The following CTBP2 variants were observed in gnomAD, a reference collection of about 807,000 sequenced individuals.
The protein encoded by CTBP2 is C-terminal binding protein 2.
In CTBP2, 30 loss-of-function variants were observed where a neutral mutation model predicts 80.3. The ratio of observed to expected loss-of-function variants is 0.37; its 90% confidence interval spans 0.28 to 0.51. The LOEUF (loss-of-function observed/expected upper bound fraction) is 0.51. Among genes scored for constraint, CTBP2 ranks in the 20% least tolerant of loss-of-function variants. The probability of loss-of-function intolerance (pLI) is 0.93; values close to 1 mark genes in which losing one functional copy is unlikely to be tolerated. For synonymous variants in CTBP2, 594 were observed against 587.4 expected, an observed-to-expected ratio of 1.01 and a Z score of -0.16; for missense variants, 1,212 against 1,375.3, an observed-to-expected ratio of 0.88 and a Z score of 1.88.
chr10:125,120,920 A>T (rs956667008), intron 1 of CTBP2, among the ~76,000 whole-genome samples: 1 of 152,232 alleles, frequency 6.6e-6, no homozygotes, highest in Non-Finnish European at 1.5e-5. Context: ...TAAGGTGGCC[A>T]GATATCGGTT....
At chr10:125,098,750 CAGAGAGAGAGAGAGAGAGAGAGAG>C (rs1265217140) in intron 2 of CTBP2, among the ~76,000 whole-genome samples, 1 of 75,482 alleles carries the variant, frequency 1.3e-5, no homozygotes, top group African/African-American at 6.7e-5. Flanking sequence ...GAGAGAGAGA[CAGAGAGAGAGAGAGAGAGAGAGAG>C]AGAGACAGAG....
chr10:125,117,834 C>T (rs1010117753), intron 1 of CTBP2, among the ~76,000 whole-genome samples: 2 of 152,192 alleles, frequency 1.3e-5, no homozygotes, highest in African/African-American at 4.8e-5. Context: ...CTTTCCATGT[C>T]CCTATACAGC....
In CTBP2 at chr10:125,027,143, G is replaced by C. The variant is rs371791077; in HGVS notation, c.617C>G (p.Pro206Arg). ...GATGTCGCTGAAGACCTGGCTGAGGGGGTAGGCAGGCACCTCCGCCCCATA... is the reference window on the plus strand; with the variant it reads ...GATGTCGCTGAAGACCTGGCTGAGGCGGTAGGCAGGCACCTCCGCCCCATA... Residue 206 changes from proline (P) to arginine (R), a missense_variant, in exon 1 of 9, where the codon CCC becomes CGC. This residue lies in a region of CTBP2 where 848 missense variants were observed against 782.3 expected (regional missense o/e 1.08). Coordinates refer to ENST00000309035, the MANE Select transcript of CTBP2 (RefSeq NM_022802.3). 6.2e-7 allele frequency: 1 copy of C among 1,604,536 alleles called. No homozygotes were observed. Among genetic ancestry groups the C allele is most frequent in the African/African-American group, 1.3e-5 (1 of 74,844 alleles).
In CTBP2 at chr10:125,026,638, G is replaced by A. The variant is rs957042706; in HGVS notation, c.1122C>T (p.His374=). The A allele has an allele frequency of 5.1e-6, 8 of 1,580,626 alleles. No individual in the cohort carries two copies. The highest frequency in any genetic ancestry group is 6.9e-6 in the Non-Finnish European group (8 of 1,164,278). Residue 374 remains histidine, a synonymous_variant, in exon 1 of 9, where the codon CAC becomes CAT. Transcript: ENST00000309035. ...AGTCACCATGGAGCAGTTCGCTTCG[G>A]TGGCTGAAGCTGCTGGACCGCGCCC...
intron 2 of CTBP2, among the ~76,000 whole-genome samples, chr10:125,070,299 C>T (rs549526844): frequency 2.0e-5 from 3 of 152,048 alleles, no homozygotes; most frequent in South Asian, 4.2e-4. Context: ...TGCAGTGAGC[C>T]GAGATCGTGC....
At chr10:125,091,142 C>T (rs1848702179) in intron 2 of CTBP2, among the ~76,000 whole-genome samples, 1 of 152,172 alleles carries the variant, frequency 6.6e-6, no homozygotes, top group African/African-American at 2.4e-5. Flanking sequence ...TAGGTAAAAT[C>T]CTGGGTGTGC....
intron 1 of CTBP2, among the ~76,000 whole-genome samples, chr10:125,112,107 CTTTTTTTTT>C (rs59148637): frequency 8.1e-6 from 1 of 123,756 alleles, no homozygotes; most frequent in Non-Finnish European, 1.7e-5. Context: ...CTGCATTTGA[CTTTTTTTTT>C]TTTTTTTTTT....
At chr10:125,121,764 C>T (rs1308062704) in intron 1 of CTBP2, among the ~76,000 whole-genome samples, 1 of 152,206 alleles carries the variant, frequency 6.6e-6, no homozygotes, top group African/African-American at 2.4e-5. Context: ...TCCCCCAGAC[C>T]ATCAGCAACA....
At chr10:124,997,858 C>A in intron 4 of CTBP2, 106 bp downstream of exon 6, 2 of 1,242,490 alleles carry the variant, frequency 1.6e-6, no homozygotes, top group Non-Finnish European at 2.2e-6. Flanking sequence ...GCCCTGCCTG[C>A]CCTGGCTCCT....
chr10:125,154,200 T>A (rs1860515521), intron 1 of CTBP2, among the ~76,000 whole-genome samples: 1 of 152,172 alleles, frequency 6.6e-6, no homozygotes, highest in South Asian at 2.1e-4. Context: ...TTGTATTTTA[T>A]AAATGAGAAG....
At chr10:125,135,439 A>G (rs1339749947) in intron 1 of CTBP2, among the ~76,000 whole-genome samples, 2 of 151,994 alleles carry the variant, frequency 1.3e-5, no homozygotes, top group African/African-American at 4.8e-5. Flanking sequence ...CCCATCCCCC[A>G]TCGCCTCGTG....
chr10:124,989,902 A>C (rs1470900383), intron 8 of CTBP2, among the ~76,000 whole-genome samples: 1 of 151,740 alleles, frequency 6.6e-6, no homozygotes, highest in Non-Finnish European at 1.5e-5. Context: ...ACGCCTAGCT[A>C]GTTTTTGTAT....
chr10:124,984,703 C>G lies in CTBP2; in HGVS notation c.*4815G>C. 6.7e-7 allele frequency: 1 copy of G among 1,490,986 alleles called. No individual in the cohort carries two copies. Among genetic ancestry groups the G allele is most frequent in the Non-Finnish European group, 9.1e-7 (1 of 1,093,262 alleles). 92.4% of individuals were successfully genotyped at this position (1,490,986 alleles called of 1,614,324 possible). On this transcript the variant is annotated 3_prime_UTR_variant, in exon 9 of 9. Coordinates refer to ENST00000309035, the MANE Select transcript of CTBP2 (RefSeq NM_022802.3). ...GAGTTAGCATACCAGCTGTAGGTTTCCATGTCACATTCCTACCAAGTCTCT... is the reference window on the plus strand; with the variant it reads ...GAGTTAGCATACCAGCTGTAGGTTTGCATGTCACATTCCTACCAAGTCTCT...
At chr10:125,152,459 C>T (rs543215024) in intron 1 of CTBP2, among the ~76,000 whole-genome samples, 2 of 152,354 alleles carry the variant, frequency 1.3e-5, no homozygotes, top group South Asian at 4.1e-4. Context: ...AGGCCCCCCA[C>T]ACCGCGAGTC....
chr10:125,058,696 A>C lies in CTBP2; in HGVS notation c.-101-19541T>G, dbSNP rs552945511. The stretch of plus-strand genomic sequence containing the variant: ...GATCACCTGAGGCCGGGAGTTCGAG[A>C]CTAGCCCGGCCAACATGACGAAACC... On this transcript the variant is annotated intron_variant, in intron 2 of 10. Transcript: ENST00000337195. Among the ~76,000 whole-genome samples, 11 of 152,178 alleles carry C rather than the reference A, an allele frequency of 7.2e-5. 1 individual carries two copies. The East Asian group carries it at 2.1e-3, about 30-fold the overall frequency.
intron 4 of CTBP2, chr10:124,996,062 T>TTC (rs1199383787): frequency 1.3e-5 from 2 of 151,130 alleles, no homozygotes; most frequent in African/African-American, 4.9e-5. Context: ...TTTTTTTTTT[T>TTC]TTTTTTAAAG....
intron 1 of CTBP2, among the ~76,000 whole-genome samples, chr10:125,020,420 T>C (rs757074700): frequency 2.8e-4 from 42 of 152,280 alleles, no homozygotes; most frequent in Non-Finnish European, 4.1e-4. Flanking sequence ...CCCTACTCCA[T>C]GTGGAACTGC....
chr10:125,020,256 G>C (rs577447120), intron 1 of CTBP2, among the ~76,000 whole-genome samples: 1 of 152,312 alleles, frequency 6.6e-6, no homozygotes, highest in East Asian at 1.9e-4. Flanking sequence ...GCCATGCACA[G>C]AGTTCCAGGT....
intron 2 of CTBP2, among the ~76,000 whole-genome samples, chr10:125,043,102 G>C (rs1000868346): frequency 6.6e-6 from 1 of 152,268 alleles, no homozygotes; most frequent in Admixed American, 6.5e-5. Flanking sequence ...GTTGTTTCCA[G>C]AGGGGACGGG....
Sources: allele counts gnomAD v4.1 joint callset (sites outside exome capture counted in the v4.1 genomes callset), GRCh38; gene constraint gnomAD v4.1.1; regional missense constraint gnomAD v4.1.1; transcripts MANE v1.5; gene names NCBI Gene and HGNC (gene_info 2026-07-23, HGNC 2026-07-21).